Variants in MAN1A2 observed in about 807,000 individuals in gnomAD.
MAN1A2 encodes mannosidase alpha class 1A member 2.
MAN1A2 carries 26 observed loss-of-function variants against 75.7 expected under a neutral mutation model. The observed-to-expected ratio is 0.34, with a 90% CI of 0.25 to 0.48. The LOEUF is 0.48. MAN1A2 is among the 20% of genes least tolerant of loss of function. The pLI is 0.99. For synonymous variants in MAN1A2, 247 were observed against 264.6 expected (o/e 0.93, Z 0.65); for missense variants, 562 against 775.5 (o/e 0.72, Z 3.27).
At chr1:117,436,733 C>T (rs1648862321) in intron 5 of MAN1A2, among the ~76,000 whole-genome samples, 1 of 152,194 alleles carries the variant, frequency 6.6e-6, no homozygotes, top group African/African-American at 2.4e-5. Flanking sequence ...AGGCATTCAT[C>T]ATGGGCCCTG....
At chr1:117,452,334 T>TA (rs1649448295) in intron 6 of MAN1A2, among the ~76,000 whole-genome samples, 1 of 151,656 alleles carries the variant, frequency 6.6e-6, no homozygotes, top group South Asian at 2.1e-4. Context: ...TGGAAATAAT[T>TA]AAGCTTAGTG....
intron 3 of MAN1A2, among the ~76,000 whole-genome samples, chr1:117,407,788 G>A (rs1647663652): frequency 6.6e-6 from 1 of 152,086 alleles, no homozygotes; most frequent in South Asian, 2.1e-4. Context: ...TATCTTTTCT[G>A]TTTTCCTGTG....
At chr1:117,522,308 G>A (rs904916217) in intron 12 of MAN1A2, among the ~76,000 whole-genome samples, 51 of 151,754 alleles carry the variant, frequency 3.4e-4, no homozygotes, top group African/African-American at 1.2e-3. Flanking sequence ...TGACTAAATG[G>A]GTTTATCCCA....
chr1:117,429,421 C>T (rs1271602332), intron 5 of MAN1A2, among the ~76,000 whole-genome samples: 65 of 129,476 alleles, frequency 5.0e-4, no homozygotes, highest in African/African-American at 1.6e-3. Context: ...GGCGGCTGGC[C>T]GGGCAGGGGG....
chr1:117,374,514 A>T lies in MAN1A2; in HGVS notation c.302+6029A>T, dbSNP rs76619843. ...AGATTGGGTATTAGGATTTGTCATT[A>T]AAAAAAAAATCTCCTTCAAAGGGCA... is the stretch of plus-strand genomic sequence containing the variant. On this transcript the variant is annotated intron_variant, in intron 1 of 12. Transcript: ENST00000356554. 4.0e-5 allele frequency among the ~76,000 whole-genome samples: 6 copies of T among 148,928 alleles called. No homozygotes were observed. In the South Asian group the frequency reaches 1.1e-3, roughly 26 times the overall value.
At chr1:117,475,913 G>A (rs1019273905) in intron 8 of MAN1A2, among the ~76,000 whole-genome samples, 7 of 151,980 alleles carry the variant, frequency 4.6e-5, no homozygotes, top group African/African-American at 1.7e-4. Context: ...TGGTATCTCT[G>A]GTTCTAGATC....
rs115483390 is a variant in MAN1A2, at chr1:117,398,852, G to A, written c.303-3334G>A. On this transcript the variant is annotated intron_variant, in intron 1 of 12. Coordinates refer to ENST00000356554, the MANE Select transcript of MAN1A2 (RefSeq NM_006699.5). The stretch of plus-strand genomic sequence containing the variant: ...AAGCCATGAAGTGTTTTAAGTGAGA[G>A]TGAGGCATAGTCTGAATAATTTCAG... Among the ~76,000 whole-genome samples the A allele has an allele frequency of 4.3e-3, 658 of 152,250 alleles. 1 individual carries two copies. Among genetic ancestry groups the A allele is most frequent in the African/African-American group, 0.015 (631 of 41,542 alleles).
intron 6 of MAN1A2, 73 bp downstream of exon 6, chr1:117,442,398 T>C (rs1011374502): frequency 2.2e-6 from 2 of 927,342 alleles, no homozygotes; most frequent in African/African-American, 3.3e-5. Flanking sequence ...TTCTAATGAG[T>C]CACCCCCACA....
rs143401956 is a variant in MAN1A2, at chr1:117,513,301, A to G, written c.1794-9524A>G. ...ACACTACTGAACTGTACACTTTAAA[A>G]TGGTTAAGGTGGTAAATTTTATGTT... On this transcript the variant is annotated intron_variant, in intron 12 of 12. Coordinates refer to ENST00000356554, the MANE Select transcript of MAN1A2 (RefSeq NM_006699.5). Among the ~76,000 whole-genome samples the G allele has an allele frequency of 6.2e-3, 947 of 152,280 alleles. 8 individuals carry two copies. The highest frequency in any genetic ancestry group is 0.022 in the African/African-American group (907 of 41,574).
In MAN1A2 at chr1:117,499,442, G is replaced by A. The variant is rs1376715284; in HGVS notation, c.1565G>A (p.Arg522Gln). The change falls in exon 11 of 13, where the codon CGG (arginine) becomes CAG (glutamine). Residue 522 changes from arginine (R) to glutamine (Q), a missense_variant. Around this residue, in one of 2 missense-constraint regions of MAN1A2, gnomAD observed 434 missense variants for 645.7 expected, o/e 0.67. Transcript: ENST00000356554. Reference protein sequence around the residue: ...FDGAVEAVAVRQAEKYYILRP... With the variant: ...FDGAVEAVAVQQAEKYYILRP... Reference sequence around the variant, plus strand: ...GGTGCAGTGGAGGCTGTGGCTGTCCGGCAGGCTGAAAAGTATTATATCCTC... The same window carrying A: ...GGTGCAGTGGAGGCTGTGGCTGTCCAGCAGGCTGAAAAGTATTATATCCTC... The A allele has an allele frequency of 7.5e-6, 12 of 1,604,948 alleles. No homozygotes were observed. The highest frequency in any genetic ancestry group is 1.7e-4 in the Middle Eastern group (1 of 6,034).
chr1:117,499,352 T>C, intron 10 of MAN1A2, 30 bp from the exon 11 acceptor site: 1 of 1,476,744 alleles, frequency 6.8e-7, no homozygotes, highest in Non-Finnish European at 9.0e-7. Context: ...TGGTTTATTT[T>C]GCTCAGTTAT....
At chr1:117,389,398 T>C (rs1024016572) in intron 1 of MAN1A2, among the ~76,000 whole-genome samples, 7 of 152,268 alleles carry the variant, frequency 4.6e-5, no homozygotes, top group African/African-American at 1.2e-4. Context: ...ATCCCTCACA[T>C]GAGCAGTTCA....
At chr1:117,461,059 A>G (rs995571444) in intron 7 of MAN1A2, among the ~76,000 whole-genome samples, 7 of 152,206 alleles carry the variant, frequency 4.6e-5, no homozygotes, top group African/African-American at 7.2e-5. Flanking sequence ...TAGATGATCA[A>G]TATGGATGTT....
At chr1:117,487,218 A>G (rs1650735874) in intron 8 of MAN1A2, among the ~76,000 whole-genome samples, 2 of 152,044 alleles carry the variant, frequency 1.3e-5, no homozygotes, top group Non-Finnish European at 2.9e-5. Context: ...TCAGAATGTG[A>G]TTCAGTAAAA....
chr1:117,450,241 A>G (rs1570753639), intron 6 of MAN1A2, among the ~76,000 whole-genome samples: 1 of 152,348 alleles, frequency 6.6e-6, no homozygotes, highest in East Asian at 1.9e-4. Flanking sequence ...ATGTTTTAGC[A>G]AAGAGACTGG....
chr1:117,496,671 T>C, intron 9 of MAN1A2, 92 bp from the exon 10 acceptor site: 1 of 885,332 alleles, frequency 1.1e-6, no homozygotes, highest in Non-Finnish European at 1.8e-6. Flanking sequence ...GACTATCATA[T>C]TACCCAGGTT....
chr1:117,368,477 T>A lies in MAN1A2; in HGVS notation c.294T>A (p.His98Gln). ...GVFLIHGPDE[H>Q]RHREEEERLR... ...TCCTGATCCATGGACCCGATGAACA[T>A]AGACACAGGTTTGTTTATTTCAGAA... The change falls in exon 1 of 13, where the codon CAT becomes CAA. Residue 98 changes from histidine (H) to glutamine (Q), a missense_variant. His to Gln is a conservative substitution (Grantham distance 24). Coordinates refer to ENST00000356554, the MANE Select transcript of MAN1A2 (RefSeq NM_006699.5). The A allele has an allele frequency of 6.2e-7, 1 of 1,605,760 alleles. No individual in the cohort carries two copies. The highest frequency in any genetic ancestry group is 8.5e-7 in the Non-Finnish European group (1 of 1,176,948).
At chr1:117,473,153 A>G (rs994638014) in intron 8 of MAN1A2, among the ~76,000 whole-genome samples, 11 of 151,996 alleles carry the variant, frequency 7.2e-5, no homozygotes, top group African/African-American at 1.7e-4. Context: ...TAATAATTCT[A>G]TCCACCTCAA....
chr1:117,379,363 G>C (rs1049113585), intron 1 of MAN1A2, among the ~76,000 whole-genome samples: 1 of 152,106 alleles, frequency 6.6e-6, no homozygotes, highest in Non-Finnish European at 1.5e-5. Flanking sequence ...GTTTTGTTAA[G>C]TATAGCCTTT....
Sources: allele counts gnomAD v4.1 joint callset (sites outside exome capture counted in the v4.1 genomes callset), GRCh38; gene constraint gnomAD v4.1.1; regional missense constraint gnomAD v4.1.1; transcripts MANE v1.5; gene names NCBI Gene and HGNC (gene_info 2026-07-23, HGNC 2026-07-21).